DUOX2: variants seen among roughly 807,000 people sequenced by gnomAD.
DUOX2 encodes the protein NADH/NADPH thyroid oxidase p138-tox.
A neutral mutation model predicts 183.3 loss-of-function variants in DUOX2; 185 were observed. That is an observed-to-expected ratio of 1.01 (90% CI 0.90 to 1.14). The LOEUF is 1.14. Among genes scored for constraint, DUOX2 ranks in the 50% most tolerant of loss-of-function variants. DUOX2 has a pLI of 0.00. For missense variants in DUOX2, 1,999 were observed against 2,022.9 expected, an observed-to-expected ratio of 0.99 and a Z score of 0.23; for synonymous variants, 788 against 812.4, an observed-to-expected ratio of 0.97 and a Z score of 0.51.
In DUOX2 at chr15:45,108,939, GC is replaced by G. The variant is rs781333691; in HGVS notation, c.1247del (p.Gly416AlafsTer67). 3.1e-6 allele frequency: 5 copies of G among 1,614,094 alleles called. No individual in the cohort carries two copies. In the African/African-American group the frequency reaches 6.7e-5, roughly 22 times the overall value. On this transcript the variant is annotated frameshift_variant, in exon 12 of 34. Transcript: ENST00000389039. LOFTEE classifies it high-confidence loss of function. ...AGTCTGTACGGGAGAATTTGCCAGG[GC>G]CAGGCCAGTAATCTGAAGAGGAGAG... ...VVEDLRDYWP[G>X]PGKFSRTDYV...
chr15:45,106,083 G>A (rs374530435), intron 17 of DUOX2, 42 bp downstream of exon 17: 24 of 1,607,578 alleles, frequency 1.5e-5, no homozygotes, highest in African/African-American at 1.1e-4. Flanking sequence ...TAATGGAGTC[G>A]TGTGAGGGCA....
Position 45,111,905 on chromosome 15 carries a change from C to A in DUOX2, c.376G>T (p.Ala126Ser), listed in dbSNP as rs776658021. The A allele has an allele frequency of 1.5e-5, 24 of 1,613,798 alleles. No homozygotes were observed. The highest frequency in any genetic ancestry group is 2.0e-5 in the Non-Finnish European group (24 of 1,179,988). The change falls in exon 5 of 34, where the codon GCC (alanine) becomes TCC (serine). Residue 126 changes from alanine (A) to serine (S), a missense_variant. By Grantham distance (99) the Ala-to-Ser change is moderately conservative (BLOSUM62 1). Around this residue, in one of 3 missense-constraint regions of DUOX2, gnomAD observed 356 missense variants for 356.4 expected, o/e 1.00. Coordinates refer to ENST00000389039, the MANE Select transcript of DUOX2 (RefSeq NM_001363711.2). Reference sequence around the variant, plus strand: ...GGGATGCGGATGTTGAGGAACTCGGCGGGGCAACCGGGCGTTTCCACGCTC... The same window carrying A: ...GGGATGCGGATGTTGAGGAACTCGGAGGGGCAACCGGGCGTTTCCACGCTC... The part of the protein sequence containing the change: ...VVSVETPGCP[A>S]EFLNIRIPPG...
chr15:45,104,405 G>A lies in DUOX2; in HGVS notation c.2335-40C>T, dbSNP rs745933362. 3.7e-6 allele frequency: 6 copies of A among 1,600,558 alleles called. No individual in the cohort carries two copies. The African/African-American group carries it at 8.1e-5, about 21-fold the overall frequency. ...CAGCAGAGGGAGGGAAAGAGAAGGA[G>A]GTGAAGCCTATGCTGGAAGCAGTTC... is the stretch of plus-strand genomic sequence containing the variant. On this transcript the variant is annotated intron_variant, in intron 18 of 33. Transcript: ENST00000389039.
chr15:45,101,739 C>T (rs1894085630), intron 21 of DUOX2, 54 bp downstream of exon 21: 2 of 1,612,744 alleles, frequency 1.2e-6, no homozygotes, highest in South Asian at 2.2e-5. Flanking sequence ...CAGGAACTCT[C>T]ATTTTGAGGA....
Position 45,108,960 on chromosome 15 carries a change from G to A in DUOX2, c.1235-8C>T. ...CAGGGCCAGGCCAGTAATCTGAAGA[G>A]GAGAGAAGACTAGACTATGGGCTTT... On this transcript the variant is annotated splice_polypyrimidine_tract_variant and splice_region_variant and intron_variant, in intron 11 of 33. Coordinates refer to ENST00000389039, the MANE Select transcript of DUOX2 (RefSeq NM_001363711.2). 6.2e-7 allele frequency: 1 copy of A among 1,614,134 alleles called. No individual in the cohort carries two copies. Among genetic ancestry groups the A allele is most frequent in the African/African-American group, 1.3e-5 (1 of 75,026 alleles).
At position 45,097,439 on chromosome 15, in the gene DUOX2, C is replaced by A. The variant is rs201697136; in HGVS notation, c.3694-48G>T. ...CAACTCAGGCCCAGCCAGGCCCCTG[C>A]CCGGCATCCCCTCTTGCCCAGGCAC... On this transcript the variant is annotated intron_variant, in intron 28 of 33. Transcript: ENST00000389039. 123 of 1,614,062 alleles carry A rather than the reference C, an allele frequency of 7.6e-5. No homozygotes were observed. The African/African-American group carries it at 1.3e-3, about 17-fold the overall frequency.
Position 45,104,290 on chromosome 15 carries a change from A to G in DUOX2, c.2410T>C (p.Cys804Arg), listed in dbSNP as rs1453130092. 6.2e-7 allele frequency: 1 copy of G among 1,614,124 alleles called. No individual in the cohort carries two copies. The highest frequency in any genetic ancestry group is 8.5e-7 in the Non-Finnish European group (1 of 1,180,012). ...SSQKVREALTCELSRAEFAES... is the reference protein window; with the variant it reads ...SSQKVREALTRELSRAEFAES... ...GCAAACTCGGCCCTGCTCAGCTCGC[A>G]GGTCAGGGCCTCCCGCACCTTCTGG... The change falls in exon 19 of 34, where the codon TGC becomes CGC. Residue 804 changes from cysteine (C) to arginine (R), a missense_variant. Coordinates refer to ENST00000389039, the MANE Select transcript of DUOX2 (RefSeq NM_001363711.2).
intron 31 of DUOX2, 93 bp downstream of exon 31, chr15:45,095,344 G>T: frequency 1.3e-6 from 2 of 1,575,120 alleles, no homozygotes; most frequent in Non-Finnish European, 1.7e-6. Context: ...TCAGTTCCTG[G>T]AGCCAGGAGC....
intron 32 of DUOX2, 77 bp from the exon 33 acceptor site, chr15:45,094,768 A>G (rs956327862): frequency 6.2e-6 from 10 of 1,603,784 alleles, no homozygotes; most frequent in African/African-American, 1.3e-5. Flanking sequence ...ATAGCCCAAG[A>G]GACAGAGAAT....
intron 31 of DUOX2, 112 bp from the exon 32 acceptor site, chr15:45,095,203 T>C: frequency 5.4e-6 from 8 of 1,473,460 alleles, no homozygotes; most frequent in Non-Finnish European, 7.3e-6. Context: ...ACACCAAAGC[T>C]GTGGCAGGAC....
chr15:45,100,901 G>T (rs896284800), intron 22 of DUOX2, 63 bp from the exon 23 acceptor site: 2 of 1,206,028 alleles, frequency 1.7e-6, no homozygotes, highest in Non-Finnish European at 1.2e-6. Flanking sequence ...AACTCCCTGG[G>T]CAGAGCATGG....
intron 32 of DUOX2, 112 bp downstream of exon 32, chr15:45,094,824 G>A (rs1893858844): frequency 6.3e-7 from 1 of 1,594,206 alleles, no homozygotes; most frequent in Non-Finnish European, 8.6e-7. Context: ...CATCAGCTCT[G>A]TGCCTCCTGC....
Position 45,099,402 on chromosome 15 carries a change from T to C in DUOX2, c.3496A>G (p.Asn1166Asp). 6.2e-7 allele frequency: 1 copy of C among 1,614,004 alleles called. No homozygotes were observed. Among genetic ancestry groups the C allele is most frequent in the Non-Finnish European group, 8.5e-7 (1 of 1,179,950 alleles). Reference sequence around the variant, plus strand: ...ACTGACCCATCATTCACAAAGACGTTGGGGAATATGCAGGCCAGCAGGCTG... The same window carrying C: ...ACTGACCCATCATTCACAAAGACGTCGGGGAATATGCAGGCCAGCAGGCTG... Reference protein sequence around the residue: ...PLSLLACIFPNVFVNDGSKLP... With the variant: ...PLSLLACIFPDVFVNDGSKLP... Residue 1166 changes from asparagine (N) to aspartate (D), a missense_variant, in exon 26 of 34, where the codon AAC becomes GAC. Asn to Asp is a conservative substitution (Grantham distance 23, BLOSUM62 1). Transcript: ENST00000389039.
intron 3 of DUOX2, 126 bp downstream of exon 3, chr15:45,112,859 TAA>T: frequency 1.3e-6 from 2 of 1,531,552 alleles, no homozygotes; most frequent in Non-Finnish European, 1.8e-6. Flanking sequence ...CGGGAGCGCA[TAA>T]GATTGCGCTG....
chr15:45,095,297 G>A (rs1019289270), intron 31 of DUOX2, 140 bp downstream of exon 31: 2 of 1,446,456 alleles, frequency 1.4e-6, no homozygotes, highest in Non-Finnish European at 1.9e-6. Context: ...TCCAAGTTTG[G>A]CATCTCAACC....
At chr15:45,105,616 A>G in intron 18 of DUOX2, 27 bp downstream of exon 18, 1 of 1,614,074 alleles carries the variant, frequency 6.2e-7, no homozygotes, top group East Asian at 2.2e-5. Context: ...GGCTGGACCC[A>G]TCTCCAAAAG....
Position 45,111,955 on chromosome 15 carries a change from C to T in DUOX2, c.326G>A (p.Gly109Asp). ...CACCACGTCGGAAAGAACATGGTAGCCTGCGGGCATGGGGCGCCAATACGT... is the reference window on the plus strand; with the variant it reads ...CACCACGTCGGAAAGAACATGGTAGTCTGCGGGCATGGGGCGCCAATACGT... ...HNRTVLGVFF[G>D]YHVLSDVVSV... The change falls in exon 5 of 34, where the codon GGC (glycine) becomes GAC (aspartate). Residue 109 changes from glycine to aspartate, a missense_variant and splice_region_variant. Gly to Asp is a moderately conservative substitution (Grantham distance 94, BLOSUM62 -1). Around this residue, in one of 3 missense-constraint regions of DUOX2, gnomAD observed 356 missense variants for 356.4 expected, o/e 1.00. Transcript: ENST00000389039. The T allele has an allele frequency of 1.9e-6, 3 of 1,613,468 alleles. No individual in the cohort carries two copies. Among genetic ancestry groups the T allele is most frequent in the Non-Finnish European group, 2.5e-6 (3 of 1,179,966 alleles).
chr15:45,113,558 T>C, intron 1 of DUOX2, 133 bp from the exon 2 acceptor site: 5 of 737,384 alleles, frequency 6.8e-6, no homozygotes, highest in Non-Finnish European at 1.2e-5. Context: ...GGAAGGTAGC[T>C]GTTAGAAGCA....
At chr15:45,102,937 G>A (rs529624353) in intron 20 of DUOX2, among the ~76,000 whole-genome samples, 3 of 152,314 alleles carry the variant, frequency 2.0e-5, no homozygotes, top group Non-Finnish European at 2.9e-5. Flanking sequence ...AGCCGAGATC[G>A]TGGCACTGCA....
Sources: allele counts gnomAD v4.1 joint callset (sites outside exome capture counted in the v4.1 genomes callset), GRCh38; gene constraint gnomAD v4.1.1; regional missense constraint gnomAD v4.1.1; transcripts MANE v1.5; gene names NCBI Gene and HGNC (gene_info 2026-07-23, HGNC 2026-07-21).